MS4A4E: variants seen among roughly 807,000 people sequenced by gnomAD.
MS4A4E encodes the protein membrane spanning 4-domains A4E.
MS4A4E carries 23 observed loss-of-function variants against 13.3 expected under a neutral mutation model. That is an observed-to-expected ratio of 1.73 (90% CI 1.25 to 2.45). The LOEUF is 2.45. Ranked by LOEUF, MS4A4E falls within the 30% of genes most tolerant of loss-of-function variation. MS4A4E has a pLI of 0.00. For synonymous variants in MS4A4E, 36 were observed against 45.6 expected (o/e 0.79, Z 0.85); for missense variants, 144 against 131.2 (o/e 1.10, Z -0.48).
At chr11:60,221,768 G>A (rs187237779) in intron 3 of MS4A4E, among the ~76,000 whole-genome samples, 2 of 152,326 alleles carry the variant, frequency 1.3e-5, no homozygotes, top group Admixed American at 1.3e-4. Flanking sequence ...TTTGGGAAGA[G>A]GTATGTGAAT....
intron 4 of MS4A4E, 38 bp from the exon 5 acceptor site, chr11:60,213,170 C>T: frequency 1.1e-6 from 1 of 950,036 alleles, no homozygotes. Context: ...AATCCAACAT[C>T]ATCCTCAGAT....
Position 60,201,028 on chromosome 11 carries a change from C to A in MS4A4E, c.*515G>T, listed in dbSNP as rs1384318526. Among the ~76,000 whole-genome samples, 2 of 147,402 alleles carry A rather than the reference C, an allele frequency of 1.4e-5. No individual in the cohort carries two copies. The highest frequency in any genetic ancestry group is 6.6e-5 in the Admixed American group (1 of 15,086). On this transcript the variant is annotated 3_prime_UTR_variant, in exon 9 of 9. Transcript: ENST00000651255. ...TGGCCGGGCAGAGGGCTGACCCCCC[C>A]ACCTCCCTCCCAGACGTGGTGGCTG...
chr11:60,220,274 TA>T, intron 3 of MS4A4E, among the ~76,000 whole-genome samples: 1 of 152,306 alleles, frequency 6.6e-6, no homozygotes, highest in Non-Finnish European at 1.5e-5. Context: ...CTTAACCAAG[TA>T]GTGACTCCAG....
At chr11:60,224,075 C>T (rs556112009) in intron 3 of MS4A4E, among the ~76,000 whole-genome samples, 5 of 152,242 alleles carry the variant, frequency 3.3e-5, no homozygotes, top group African/African-American at 1.2e-4. Context: ...CCCTATAATG[C>T]TAGAATAGAT....
chr11:60,227,326 C>A (rs958440650), intron 3 of MS4A4E, among the ~76,000 whole-genome samples: 1 of 151,988 alleles, frequency 6.6e-6, no homozygotes, highest in Admixed American at 6.6e-5. Context: ...CCGAAGCGGG[C>A]GGATCACGAG....
chr11:60,242,968 G>T lies in MS4A4E; in HGVS notation c.-27C>A. On this transcript the variant is annotated 5_prime_UTR_variant, in exon 1 of 9. Coordinates refer to ENST00000651255, the MANE Select transcript of MS4A4E (RefSeq NM_001393391.1). ...AGTCCCTGGACCTACCTTTCTTCAG[G>T]CCTGCAATGTCTGCTGCAGGTCTGA... 6.3e-7 allele frequency: 1 copy of T among 1,578,254 alleles called. No individual in the cohort carries two copies. The highest frequency in any genetic ancestry group is 8.7e-7 in the Non-Finnish European group (1 of 1,152,102).
intron 1 of MS4A4E, among the ~76,000 whole-genome samples, chr11:60,241,319 C>T (rs530067261): frequency 3.3e-5 from 5 of 152,278 alleles, no homozygotes; most frequent in South Asian, 2.1e-4. Flanking sequence ...CCACCGCACC[C>T]GGCCTATTCT....
intron 3 of MS4A4E, among the ~76,000 whole-genome samples, chr11:60,224,200 T>C (rs2084313276): frequency 6.6e-6 from 1 of 152,240 alleles, no homozygotes. Context: ...CTCTCTTGTG[T>C]TTTCTCTTGG....
intron 1 of MS4A4E, among the ~76,000 whole-genome samples, chr11:60,242,339 G>A (rs2084562098): frequency 6.6e-6 from 1 of 152,170 alleles, no homozygotes; most frequent in Admixed American, 6.5e-5. Flanking sequence ...TCCTAAGAAT[G>A]CTAAAAGTCT....
chr11:60,219,814 A>G (rs1028571943), intron 3 of MS4A4E, among the ~76,000 whole-genome samples: 2 of 152,210 alleles, frequency 1.3e-5, no homozygotes, highest in African/African-American at 4.8e-5. Context: ...CATTGATTCC[A>G]GGGGACCCAA....
chr11:60,241,355 A>G (rs1037224494), intron 1 of MS4A4E, among the ~76,000 whole-genome samples: 11 of 152,120 alleles, frequency 7.2e-5, no homozygotes, highest in Admixed American at 2.0e-4. Flanking sequence ...CTCGGCCTCA[A>G]TCTCTCACGC....
Position 60,201,181 on chromosome 11 carries a change from A to T in MS4A4E, c.*362T>A, listed in dbSNP as rs1565114133. 8.0e-6 allele frequency: 1 copy of T among 125,052 alleles called. No homozygotes were observed. The highest frequency in any genetic ancestry group is 3.2e-5 in the African/African-American group (1 of 31,394). 7.7% of individuals were successfully genotyped at this position (125,052 alleles called of 1,614,324 possible). A position where few individuals can be genotyped will look rare whatever the true frequency, so the allele number is the denominator to read the frequency against. ...GTAGAGGGGCTCCTCACTTCCCAGTAGGGGCGGCTGGGCAGAGGCGCCCCT... is the reference window on the plus strand; with the variant it reads ...GTAGAGGGGCTCCTCACTTCCCAGTTGGGGCGGCTGGGCAGAGGCGCCCCT... On this transcript the variant is annotated 3_prime_UTR_variant, in exon 9 of 9. Transcript: ENST00000651255.
chr11:60,225,423 A>T (rs2084328981), intron 3 of MS4A4E, among the ~76,000 whole-genome samples: 1 of 152,164 alleles, frequency 6.6e-6, no homozygotes, highest in Non-Finnish European at 1.5e-5. Flanking sequence ...GTGGCCAAGG[A>T]ATTAGAAAGC....
At chr11:60,218,590 C>T (rs1485548532) in intron 3 of MS4A4E, among the ~76,000 whole-genome samples, 8 of 152,090 alleles carry the variant, frequency 5.3e-5, no homozygotes, top group Non-Finnish European at 8.8e-5. Context: ...AAAGAACCTA[C>T]GTGACTATCG....
Position 60,202,189 on chromosome 11 carries a change from A to C in MS4A4E, c.660-310T>G, listed in dbSNP as rs1449839462. Among the ~76,000 whole-genome samples, 4 of 152,326 alleles carry C rather than the reference A, an allele frequency of 2.6e-5. No individual in the cohort carries two copies. The East Asian group carries it at 7.7e-4, about 29-fold the overall frequency. On this transcript the variant is annotated intron_variant, in intron 8 of 8. Transcript: ENST00000651255. Reference sequence around the variant, plus strand: ...AATCAAATTGCCTCTACGTCTTATTAATACAAGTTGAGATGATCTAAAGGA... The same window carrying C: ...AATCAAATTGCCTCTACGTCTTATTCATACAAGTTGAGATGATCTAAAGGA...
At chr11:60,213,308 C>T (rs867642964) in intron 4 of MS4A4E, 176 bp from the exon 5 acceptor site, 1 of 1,535,048 alleles carries the variant, frequency 6.5e-7, no homozygotes, top group East Asian at 2.4e-5. Context: ...CCATTATTCT[C>T]CAGCTTAAAT....
At chr11:60,218,622 T>C (rs1029566045) in intron 3 of MS4A4E, among the ~76,000 whole-genome samples, 1 of 151,996 alleles carries the variant, frequency 6.6e-6, no homozygotes. Context: ...CCGATAGTGA[T>C]GGCCTTCTCC....
chr11:60,214,435 C>T (rs952413439), intron 4 of MS4A4E, 136 bp downstream of exon 4: 4 of 477,032 alleles, frequency 8.4e-6, no homozygotes, highest in Admixed American at 4.3e-5. Context: ...ATTTTTGAGA[C>T]AGATCCTGCT....
At chr11:60,235,508 C>T (rs1300419973) in intron 1 of MS4A4E, among the ~76,000 whole-genome samples, 2 of 152,264 alleles carry the variant, frequency 1.3e-5, no homozygotes, top group Non-Finnish European at 2.9e-5. Context: ...TAGATCTTGC[C>T]ACTCTTGATT....
Sources: gnomAD v4.1 joint callset for allele counts (sites outside exome capture counted in the v4.1 genomes callset) on GRCh38, gnomAD v4.1.1 for gene constraint, MANE v1.5 for transcripts, NCBI Gene and HGNC (gene_info 2026-07-23, HGNC 2026-07-21) for gene names.